ENG: variants seen among roughly 807,000 people sequenced by gnomAD.
ENG encodes the protein endoglin.
ENG carries 17 observed loss-of-function variants against 71.0 expected under a neutral mutation model. The observed-to-expected ratio is 0.24, with a 90% CI of 0.16 to 0.36. ENG has a LOEUF of 0.36. ENG is among the 10% of genes least tolerant of loss of function. The pLI is 1.00. For synonymous variants in ENG, 360 were observed against 366.9 expected (o/e 0.98, Z 0.21); for missense variants, 749 against 868.3 (o/e 0.86, Z 1.73).
intron 2 of ENG, among the ~76,000 whole-genome samples, chr9:127,835,641 C>A (rs1830882033): frequency 6.6e-6 from 1 of 152,132 alleles, no homozygotes; most frequent in South Asian, 2.1e-4. Flanking sequence ...GATGAAGGAG[C>A]CCCATGGCCA....
In ENG at chr9:127,817,170, T is replaced by C. The variant is rs752744377; in HGVS notation, c.1720A>G (p.Ile574Val). 4 of 1,614,174 alleles carry C rather than the reference T, an allele frequency of 2.5e-6. No homozygotes were observed. The highest frequency in any genetic ancestry group is 2.5e-6 in the Non-Finnish European group (3 of 1,180,030). Residue 574 changes from isoleucine (I) to valine (V), a missense_variant, in exon 13 of 15, where the codon ATC (isoleucine) becomes GTC (valine). Physicochemically the swap from Ile to Val is conservative, Grantham distance 29 (BLOSUM62 3). Transcript: ENST00000373203. ...VHRTVFMRLN[I>V]ISPDLSGCTS... is the part of the protein sequence containing the mutation. ...TCACCAGACAGGTCAGGGCTGATGA[T>C]GTTCAAGCGCATGAAGACAGTCCTA...
At chr9:127,854,233 G>A in intron 1 of ENG, 56 bp downstream of exon 1, 1 of 1,525,446 alleles carries the variant, frequency 6.6e-7, no homozygotes, top group South Asian at 1.2e-5. Context: ...AATACTTGGG[G>A]CCTGGTCCGT....
chr9:127,818,485 C>T, intron 11 of ENG, 108 bp from the exon 12 acceptor site: 1 of 1,557,000 alleles, frequency 6.4e-7, no homozygotes, highest in East Asian at 2.3e-5. Flanking sequence ...CCTGAGTCCT[C>T]ACAGTGGAAA....
chr9:127,835,155 T>C lies in ENG; in HGVS notation c.220-5328A>G, dbSNP rs575266667. On this transcript the variant is annotated intron_variant, in intron 2 of 14. Coordinates refer to ENST00000373203, the MANE Select transcript of ENG (RefSeq NM_001114753.3). ...CTGGGACTACAGGCATACACCAGTATGCCTGGCTAATTTTTATATTTTTTG... is the reference window on the plus strand; with the variant it reads ...CTGGGACTACAGGCATACACCAGTACGCCTGGCTAATTTTTATATTTTTTG... Among the ~76,000 whole-genome samples, 35 of 152,152 alleles carry C rather than the reference T, an allele frequency of 2.3e-4. No homozygotes were observed. In the South Asian group the frequency reaches 7.1e-3, roughly 31 times the overall value.
chr9:127,818,513 C>T (rs529788586), intron 11 of ENG, 136 bp from the exon 12 acceptor site: 7 of 1,510,766 alleles, frequency 4.6e-6, no homozygotes, highest in Admixed American at 1.9e-5. Context: ...ATGGACCTGT[C>T]TGGGGCAGAG....
Position 127,842,095 on chromosome 9 carries a change from GGTCTCCTGGGGAGAATC to G in ENG, c.219+982_219+998del, listed in dbSNP as rs557169147. Among the ~76,000 whole-genome samples the G allele has an allele frequency of 1.1e-3, 173 of 152,302 alleles. 1 individual carries two copies. Among genetic ancestry groups the G allele is most frequent in the African/African-American group, 4.2e-3 (173 of 41,558 alleles). Reference sequence around the variant, plus strand: ...AAACTGATGGTGGGCTGGGAGTGGGGGTCTCCTGGGGAGAATCGTCTCCAGGCCGGCAGCAGCCTTTG... The same window carrying G: ...AAACTGATGGTGGGCTGGGAGTGGGGGTCTCCAGGCCGGCAGCAGCCTTTG... On this transcript the variant is annotated intron_variant, in intron 2 of 14. Coordinates refer to ENST00000373203, the MANE Select transcript of ENG (RefSeq NM_001114753.3).
Position 127,843,119 on chromosome 9 carries a change from T to C in ENG, c.194A>G (p.His65Arg), listed in dbSNP as rs1267116267. ...AQAPNAILEV[H>R]VLFLEFPTGP... ...CGTTGGGAACTCCAGGAAGAGGACA[T>C]GGACTTCAAGGATGGCATTGGGGGC... is the stretch of plus-strand genomic sequence containing the variant. The change falls in exon 2 of 15, where the codon CAT (histidine) becomes CGT (arginine). Residue 65 changes from histidine to arginine, a missense_variant. Transcript: ENST00000373203. 1.2e-6 allele frequency: 2 copies of C among 1,614,018 alleles called. No homozygotes were observed. The highest frequency in any genetic ancestry group is 1.7e-6 in the Non-Finnish European group (2 of 1,180,008).
Position 127,825,689 on chromosome 9 carries a change from C to T in ENG, c.689+6G>A. 2 of 1,570,938 alleles carry T rather than the reference C, an allele frequency of 1.3e-6. No individual in the cohort carries two copies. On this transcript the variant is annotated splice_donor_region_variant and intron_variant, in intron 5 of 14. Transcript: ENST00000373203. ...ACTAGTGTCAGGGGCGGGGCGAGAG[C>T]CATACCCGGCCGAGTGGCCCGGCAG...
At chr9:127,828,819 C>G (rs1161257985) in intron 3 of ENG, among the ~76,000 whole-genome samples, 1 of 152,168 alleles carries the variant, frequency 6.6e-6, no homozygotes, top group African/African-American at 2.4e-5. Flanking sequence ...GCCTGCCTCC[C>G]TCCCGCAGTG....
chr9:127,820,082 T>C (rs1264813463), intron 8 of ENG, 45 bp from the exon 9 acceptor site: 6 of 1,602,448 alleles, frequency 3.7e-6, no homozygotes, highest in Non-Finnish European at 4.3e-6. Flanking sequence ...CTGGGGTCTC[T>C]GTGGCCTGCC....
In ENG at chr9:127,850,859, A is replaced by G. The variant is rs187275650; in HGVS notation, c.67+3430T>C. ...AAAACTGTGCATTGTGGTAGTATTT[A>G]TAACTAGAACAAAGGGGAAACCACC... On this transcript the variant is annotated intron_variant, in intron 1 of 14. Transcript: ENST00000373203. Among the ~76,000 whole-genome samples, 33 of 152,382 alleles carry G rather than the reference A, an allele frequency of 2.2e-4. No homozygotes were observed. The East Asian group carries it at 5.8e-3, about 27-fold the overall frequency.
At chr9:127,840,091 C>A (rs1174611224) in intron 2 of ENG, among the ~76,000 whole-genome samples, 1 of 152,236 alleles carries the variant, frequency 6.6e-6, no homozygotes, top group African/African-American at 2.4e-5. Context: ...TTACAACACA[C>A]CTGTGAGGTA....
At chr9:127,826,003 G>A (rs1313679267) in intron 4 of ENG, 143 bp from the exon 5 acceptor site, 12 of 1,118,068 alleles carry the variant, frequency 1.1e-5, no homozygotes, top group Admixed American at 8.5e-5. Context: ...ACCTAGGTTC[G>A]AACTTCCCTT....
intron 2 of ENG, among the ~76,000 whole-genome samples, chr9:127,835,490 C>T (rs1358393348): frequency 6.6e-6 from 1 of 152,134 alleles, no homozygotes; most frequent in African/African-American, 2.4e-5. Flanking sequence ...GAGATGGGCC[C>T]TCTGGATAGT....
chr9:127,835,671 C>A (rs918956848), intron 2 of ENG, among the ~76,000 whole-genome samples: 2 of 152,124 alleles, frequency 1.3e-5, no homozygotes, highest in Non-Finnish European at 2.9e-5. Context: ...ACTGCTGCTC[C>A]GCCACTGTCC....
chr9:127,820,165 T>G, intron 8 of ENG, 128 bp from the exon 9 acceptor site: 1 of 1,298,106 alleles, frequency 7.7e-7, no homozygotes, highest in Non-Finnish European at 1.0e-6. Flanking sequence ...CTGCTCCCTC[T>G]TCATTTTTGT....
chr9:127,815,474 G>A lies in ENG; in HGVS notation c.*208C>T. 8.2e-6 allele frequency: 8 copies of A among 981,056 alleles called. No homozygotes were observed. The highest frequency in any genetic ancestry group is 2.9e-5 in the Admixed American group (1 of 34,114). 60.8% of individuals were successfully genotyped at this position (981,056 alleles called of 1,614,324 possible). A position where few individuals can be genotyped will look rare whatever the true frequency, so the allele number is the denominator to read the frequency against. The stretch of plus-strand genomic sequence containing the variant: ...ATATCCCAGACCCACTGGGTTGAAG[G>A]TTCTGTGGGGTGGAGGGACCCCAAG... On this transcript the variant is annotated 3_prime_UTR_variant, in exon 15 of 15. Transcript: ENST00000373203.
intron 10 of ENG, 55 bp downstream of exon 10, chr9:127,819,567 C>T (rs1031404064): frequency 2.7e-5 from 44 of 1,608,924 alleles, no homozygotes; most frequent in Admixed American, 1.7e-4. Flanking sequence ...GAAGAGGCCC[C>T]GGCCCAGCAG....
chr9:127,843,074 C>G lies in ENG; in HGVS notation c.219+20G>C, dbSNP rs554564839. ...GAGCTTCCTCTGAGCCCCCACCCGA[C>G]CCTGCCATGGGACACTCACCGTTGG... On this transcript the variant is annotated intron_variant, in intron 2 of 14. Coordinates refer to ENST00000373203, the MANE Select transcript of ENG (RefSeq NM_001114753.3). The G allele has an allele frequency of 1.2e-6, 2 of 1,613,772 alleles. No individual in the cohort carries two copies. The highest frequency in any genetic ancestry group is 3.3e-5 in the Admixed American group (2 of 60,022).
Sources: allele counts gnomAD v4.1 joint callset (sites outside exome capture counted in the v4.1 genomes callset), GRCh38; gene constraint gnomAD v4.1.1; transcripts MANE v1.5; gene names NCBI Gene and HGNC (gene_info 2026-07-23, HGNC 2026-07-21).